HS3ST4: variants seen among roughly 807,000 people sequenced by gnomAD.
HS3ST4 encodes the protein heparan sulfate glucosamine 3-O-sulfotransferase 4.
HS3ST4 carries 17 observed loss-of-function variants against 29.2 expected under a neutral mutation model. That is an observed-to-expected ratio of 0.58 (90% CI 0.40 to 0.87). The LOEUF (loss-of-function observed/expected upper bound fraction) is 0.87, where lower values mean the gene tolerates loss of function less well. Ranked by LOEUF, HS3ST4 falls within the 40% of genes least tolerant of loss-of-function variation. The probability of loss-of-function intolerance (pLI) is 0.00; values close to 1 mark genes in which losing one functional copy is unlikely to be tolerated. For missense variants in HS3ST4, 627 were observed against 634.5 expected, an observed-to-expected ratio of 0.99 and a Z score of 0.13; for synonymous variants, 314 against 285.7, an observed-to-expected ratio of 1.10 and a Z score of -1.00.
chr16:25,910,368 C>T (rs148620267), intron 1 of HS3ST4, among the ~76,000 whole-genome samples: 5,160 of 152,240 alleles, frequency 0.034, 385 homozygotes, highest in Admixed American at 0.18. Flanking sequence ...CAGCCGGGCA[C>T]GGTAGCTGAT....
At chr16:25,934,967 G>A (rs1200401905) in intron 1 of HS3ST4, among the ~76,000 whole-genome samples, 3 of 152,080 alleles carry the variant, frequency 2.0e-5, no homozygotes, top group Admixed American at 6.6e-5. Context: ...GTTGAGGGAC[G>A]GAAGTGATTG....
chr16:25,800,999 G>C (rs960402025), intron 1 of HS3ST4, among the ~76,000 whole-genome samples: 1 of 152,020 alleles, frequency 6.6e-6, no homozygotes, highest in African/African-American at 2.4e-5. Context: ...TGTTACAGCC[G>C]CGTGAACAGA....
chr16:26,033,687 G>A (rs113468123), intron 1 of HS3ST4, among the ~76,000 whole-genome samples: 170 of 151,832 alleles, frequency 1.1e-3, no homozygotes, highest in African/African-American at 3.9e-3. Context: ...ACACCACTGC[G>A]CTCCAGCCTG....
intron 1 of HS3ST4, among the ~76,000 whole-genome samples, chr16:25,741,137 C>T (rs1412089362): frequency 6.6e-6 from 1 of 151,934 alleles, no homozygotes; most frequent in Non-Finnish European, 1.5e-5. Context: ...CCATGCAGGA[C>T]TTTAACAAAT....
At chr16:25,832,969 G>A (rs141296144) in intron 1 of HS3ST4, among the ~76,000 whole-genome samples, 48 of 152,270 alleles carry the variant, frequency 3.2e-4, no homozygotes, top group African/African-American at 1.1e-3. Context: ...GGCTAAGTTC[G>A]CATCCTTTAT....
chr16:25,996,228 G>C (rs1212087464), intron 1 of HS3ST4, among the ~76,000 whole-genome samples: 1 of 152,118 alleles, frequency 6.6e-6, no homozygotes, highest in Non-Finnish European at 1.5e-5. Context: ...ACTCAAAGAA[G>C]TATCCGCCAT....
At chr16:25,973,332 C>CAT (rs1166514969) in intron 1 of HS3ST4, among the ~76,000 whole-genome samples, 4 of 152,136 alleles carry the variant, frequency 2.6e-5, no homozygotes, top group Non-Finnish European at 5.9e-5. Flanking sequence ...ATGCCGTAGG[C>CAT]ATAGATGTAT....
chr16:26,084,626 A>T lies in HS3ST4; in HGVS notation c.735-50986A>T, dbSNP rs180819833. Among the ~76,000 whole-genome samples, 70 of 151,632 alleles carry T rather than the reference A, an allele frequency of 4.6e-4. 3 individuals carry two copies. Among genetic ancestry groups the T allele is most frequent in the Admixed American group, 4.6e-3 (70 of 15,238 alleles). ...GGTTGAAAAAAATTTTTTTTTTTTG[A>T]AACAGAGACTTGCTCTGTCACCCAG... On this transcript the variant is annotated intron_variant, in intron 1 of 1. Coordinates refer to ENST00000331351, the MANE Select transcript of HS3ST4 (RefSeq NM_006040.3).
intron 1 of HS3ST4, among the ~76,000 whole-genome samples, chr16:26,109,440 C>G (rs919047418): frequency 6.6e-6 from 1 of 152,094 alleles, no homozygotes. Flanking sequence ...GGTAGTAATT[C>G]GTCTGAGGGT....
intron 1 of HS3ST4, among the ~76,000 whole-genome samples, chr16:25,729,413 G>T (rs745944370): frequency 6.6e-6 from 1 of 152,192 alleles, no homozygotes; most frequent in Non-Finnish European, 1.5e-5. Context: ...ATTTGGGACA[G>T]GCAGAAAGCA....
chr16:26,061,534 A>C (rs1286748659), intron 1 of HS3ST4, among the ~76,000 whole-genome samples: 1 of 152,214 alleles, frequency 6.6e-6, no homozygotes, highest in African/African-American at 2.4e-5. Flanking sequence ...CCTGGCCAGA[A>C]GCTGTGGAAC....
intron 1 of HS3ST4, among the ~76,000 whole-genome samples, chr16:26,115,489 T>C (rs1899191092): frequency 6.6e-6 from 1 of 151,994 alleles, no homozygotes; most frequent in Non-Finnish European, 1.5e-5. Context: ...CTGATGGAGA[T>C]GGCTGAAAGG....
At chr16:26,074,445 G>C (rs1898636662) in intron 1 of HS3ST4, among the ~76,000 whole-genome samples, 1 of 152,180 alleles carries the variant, frequency 6.6e-6, no homozygotes, top group South Asian at 2.1e-4. Flanking sequence ...TTGATAAAGA[G>C]ATGTGAAGGG....
At chr16:25,988,368 C>A (rs765108838) in intron 1 of HS3ST4, among the ~76,000 whole-genome samples, 7 of 152,310 alleles carry the variant, frequency 4.6e-5, no homozygotes, top group Middle Eastern at 3.4e-3. Flanking sequence ...ATGCCCTCCC[C>A]CAAGCTGAGG....
chr16:25,916,409 C>G (rs1968293451), intron 1 of HS3ST4, among the ~76,000 whole-genome samples: 1 of 152,014 alleles, frequency 6.6e-6, no homozygotes, highest in East Asian at 1.9e-4. Context: ...GTTTCCCAGG[C>G]TGGAGTACAA....
intron 1 of HS3ST4, among the ~76,000 whole-genome samples, chr16:25,996,418 T>C (rs1025606492): frequency 6.6e-6 from 1 of 152,200 alleles, no homozygotes; most frequent in Non-Finnish European, 1.5e-5. Flanking sequence ...GTCTCATTTT[T>C]CCTTTACATT....
intron 1 of HS3ST4, among the ~76,000 whole-genome samples, chr16:25,970,069 G>C (rs1384206780): frequency 3.9e-5 from 6 of 152,222 alleles, no homozygotes; most frequent in Non-Finnish European, 8.8e-5. Context: ...AGTGTCAGCA[G>C]TAGACAGGAC....
chr16:26,113,840 G>T (rs999695400), intron 1 of HS3ST4, among the ~76,000 whole-genome samples: 1 of 152,138 alleles, frequency 6.6e-6, no homozygotes, highest in Non-Finnish European at 1.5e-5. Flanking sequence ...CATGAAGATA[G>T]ATGCAATGGT....
At chr16:26,074,944 C>G (rs1195765196) in intron 1 of HS3ST4, among the ~76,000 whole-genome samples, 1 of 152,196 alleles carries the variant, frequency 6.6e-6, no homozygotes, top group African/African-American at 2.4e-5. Context: ...CCTGTAATCC[C>G]AGCACTTTGG....
Sources: gnomAD v4.1 joint callset for allele counts (sites outside exome capture counted in the v4.1 genomes callset) on GRCh38, gnomAD v4.1.1 for gene constraint, MANE v1.5 for transcripts, NCBI Gene and HGNC (gene_info 2026-07-23, HGNC 2026-07-21) for gene names.